The following ZNF560 variants were observed in gnomAD, a reference collection of about 807,000 sequenced individuals.
ZNF560 encodes zinc finger protein 560.
In ZNF560, 54 loss-of-function variants were observed where a neutral mutation model predicts 81.8. The observed-to-expected ratio is 0.66, with a 90% CI of 0.53 to 0.83. ZNF560 has a LOEUF of 0.83. Among genes scored for constraint, ZNF560 ranks in the 40% least tolerant of loss-of-function variants. ZNF560 has a pLI of 0.00. For synonymous variants in ZNF560, 321 were observed against 317.9 expected, an observed-to-expected ratio of 1.01 and a Z score of -0.10; for missense variants, 940 against 932.4, an observed-to-expected ratio of 1.01 and a Z score of -0.11.
At chr19:9,472,089 G>C (rs181861597) in intron 5 of ZNF560, among the ~76,000 whole-genome samples, 3 of 149,914 alleles carry the variant, frequency 2.0e-5, no homozygotes, top group Non-Finnish European at 4.4e-5. Flanking sequence ...CAGCCTGGGG[G>C]ACAGAGTGAG....
chr19:9,490,794 A>G (rs1325455856), intron 2 of ZNF560, among the ~76,000 whole-genome samples: 1 of 152,192 alleles, frequency 6.6e-6, no homozygotes, highest in Middle Eastern at 3.2e-3. Context: ...AAAACCTGAT[A>G]AGAGTCACCA....
intron 2 of ZNF560, among the ~76,000 whole-genome samples, chr19:9,483,316 C>A (rs540341547): frequency 2.3e-4 from 35 of 151,766 alleles, no homozygotes; most frequent in Admixed American, 1.6e-3. Flanking sequence ...CCGGCCGCGA[C>A]CCCATCTGGG....
the ZNF560 span, among the ~76,000 whole-genome samples, chr19:9,448,873 C>A: frequency 6.6e-6 from 1 of 152,046 alleles, no homozygotes; most frequent in African/African-American, 2.4e-5. Context: ...AAAAAGAGCA[C>A]GGATCATTAT....
upstream of ZNF560, among the ~76,000 whole-genome samples, chr19:9,502,922 T>C (rs2073643445): frequency 6.6e-6 from 1 of 152,252 alleles, no homozygotes; most frequent in African/African-American, 2.4e-5. Context: ...TTGATTCTCA[T>C]TGAATAGATT....
rs144027276 is a variant in ZNF560, at chr19:9,466,730, G to A, written c.2217C>T (p.Pro739=). The A allele has an allele frequency of 6.2e-7, 1 of 1,614,108 alleles. No homozygotes were observed. The highest frequency in any genetic ancestry group is 8.5e-7 in the Non-Finnish European group (1 of 1,180,010). ...NHVRIHTGEK[P]YKCKECGKAF... ...CCTTCCCACATTCCTTACATTTATA[G>A]GGCTTCTCTCCAGTGTGAATTCGCA... The change falls in exon 10 of 10, where the codon CCC becomes CCT. Residue 739 remains proline (P), a synonymous_variant. Transcript: ENST00000301480.
Position 9,470,393 on chromosome 19 carries a change from T to A in ZNF560, c.447A>T (p.Val149=), listed in dbSNP as rs759959284. ...TACAAGGGATGATGCCAGACTTACC[T>A]ACTGAGGACAGGTTCTTGTAGTTCT... ...MLENYKNLSS[V]GYQLFKPSLI... is the part of the protein sequence containing the mutation. Residue 149 remains valine, a splice_region_variant and synonymous_variant, in exon 7 of 10, where the codon GTA becomes GTT. Transcript: ENST00000301480. 6 of 1,609,198 alleles carry A rather than the reference T, an allele frequency of 3.7e-6. No individual in the cohort carries two copies. The African/African-American group carries it at 6.7e-5, about 18-fold the overall frequency.
chr19:9,450,404 T>A, the ZNF560 span, among the ~76,000 whole-genome samples: 1 of 152,150 alleles, frequency 6.6e-6, no homozygotes, highest in African/African-American at 2.4e-5. Flanking sequence ...CAAATAGGAC[T>A]ATTTGTCTTC....
At chr19:9,469,555 T>C in intron 8 of ZNF560, 75 bp downstream of exon 8, 4 of 1,363,716 alleles carry the variant, frequency 2.9e-6, no homozygotes, top group Non-Finnish European at 4.2e-6. Context: ...AAAGGGCATC[T>C]TATAAAACTT....
chr19:9,502,297 C>T (rs1375936108), upstream of ZNF560, among the ~76,000 whole-genome samples: 2 of 152,170 alleles, frequency 1.3e-5, no homozygotes, highest in South Asian at 2.1e-4. Flanking sequence ...CTGCAACTTC[C>T]ACCTCCCAGG....
intron 2 of ZNF560, among the ~76,000 whole-genome samples, chr19:9,481,032 T>G (rs1162321828): frequency 6.8e-6 from 1 of 146,974 alleles, no homozygotes; most frequent in African/African-American, 2.5e-5. Flanking sequence ...TGCAGTGAGC[T>G]GAGATCATGC....
rs754176051 is a variant in ZNF560 at position 9,466,718 on chromosome 19, C to G, written c.2229G>C (p.Lys743Asn). Reference protein sequence around the residue: ...IHTGEKPYKCKECGKAFRTSS... With the variant: ...IHTGEKPYKCNECGKAFRTSS... ...ATGTACGGAAGGCCTTCCCACATTC[C>G]TTACATTTATAGGGCTTCTCTCCAG... Residue 743 changes from lysine to asparagine, a missense_variant, in exon 10 of 10, where the codon AAG becomes AAC. By Grantham distance (94) the Lys-to-Asn change is moderately conservative. Coordinates refer to ENST00000301480, the MANE Select transcript of ZNF560 (RefSeq NM_152476.3). 3 of 1,614,118 alleles carry G rather than the reference C, an allele frequency of 1.9e-6. No homozygotes were observed. The South Asian group carries it at 3.3e-5, about 18-fold the overall frequency.
At chr19:9,456,869 CA>C in the ZNF560 span, among the ~76,000 whole-genome samples, 1 of 152,146 alleles carries the variant, frequency 6.6e-6, no homozygotes, top group Non-Finnish European at 1.5e-5. Flanking sequence ...ATACAGCCCT[CA>C]AAGTCAACAT....
At position 9,466,897 on chromosome 19, in the gene ZNF560, AG is replaced by A. The variant is rs1487278938; in HGVS notation, c.2049del (p.Ser684LeufsTer20). The A allele has an allele frequency of 5.6e-6, 9 of 1,613,980 alleles. No individual in the cohort carries two copies. The highest frequency in any genetic ancestry group is 7.6e-6 in the Non-Finnish European group (9 of 1,180,040). The stretch of plus-strand genomic sequence containing the variant: ...GAATTTCCACATGCGTTACATTCAG[AG>A]GTCTTCTCTGCTGCATGAGTTTTTA... ...QHLKTHAAEK[T>X]SECNACGNSF... On this transcript the variant is annotated frameshift_variant, in exon 10 of 10. Transcript: ENST00000301480. LOFTEE classifies it high-confidence loss of function.
At chr19:9,489,399 A>C (rs1335652187) in intron 2 of ZNF560, among the ~76,000 whole-genome samples, 1 of 151,500 alleles carries the variant, frequency 6.6e-6, no homozygotes, top group Non-Finnish European at 1.5e-5. Context: ...CACTTCCCAG[A>C]CGGTGTGGTG....
chr19:9,473,133 A>C (rs762630382), intron 5 of ZNF560, 46 bp downstream of exon 5: 1 of 1,460,778 alleles, frequency 6.8e-7, no homozygotes, highest in South Asian at 1.1e-5. Flanking sequence ...GCTTCTAAAC[A>C]TACTGAACTT....
At chr19:9,496,807 G>A (rs894936647) in intron 2 of ZNF560, among the ~76,000 whole-genome samples, 15 of 151,594 alleles carry the variant, frequency 9.9e-5, no homozygotes, top group Non-Finnish European at 1.8e-4. Flanking sequence ...GAGGTGGCAC[G>A]TGCCTGAAAT....
chr19:9,470,870 C>T (rs1370572418), intron 6 of ZNF560, among the ~76,000 whole-genome samples: 1 of 152,196 alleles, frequency 6.6e-6, no homozygotes, highest in Non-Finnish European at 1.5e-5. Flanking sequence ...TTTCATACCC[C>T]TTACCATCTG....
At chr19:9,476,832 G>T (rs1411847085) in intron 2 of ZNF560, among the ~76,000 whole-genome samples, 3 of 152,112 alleles carry the variant, frequency 2.0e-5, no homozygotes, top group Admixed American at 6.5e-5. Context: ...GACTAATATG[G>T]TTACCTAAAG....
At chr19:9,499,323 C>T (rs980902940), upstream of ZNF560, among the ~76,000 whole-genome samples, 2 of 151,982 alleles carry the variant, frequency 1.3e-5, no homozygotes, top group African/African-American at 4.8e-5. Flanking sequence ...CACGGGCGCA[C>T]CGCACCCGGC....
Sources: gnomAD v4.1 joint callset for allele counts (sites outside exome capture counted in the v4.1 genomes callset) on GRCh38, gnomAD v4.1.1 for gene constraint, MANE v1.5 for transcripts, NCBI Gene and HGNC (gene_info 2026-07-23, HGNC 2026-07-21) for gene names.